GALNT18: variants seen among roughly 807,000 people sequenced by gnomAD.
The protein encoded by GALNT18 is GalNAc-transferase 18.
Under a neutral mutation model 69.5 loss-of-function variants are expected in GALNT18, and 44 were observed. That is an observed-to-expected ratio of 0.63 (90% CI 0.50 to 0.81). The LOEUF is 0.81. GALNT18 is among the 40% of genes least tolerant of loss of function. The probability of loss-of-function intolerance (pLI) is 0.00; values close to 1 mark genes in which losing one functional copy is unlikely to be tolerated. For missense variants in GALNT18, 715 were observed against 810.0 expected (o/e 0.88, Z 1.42); for synonymous variants, 364 against 318.2 (o/e 1.14, Z -1.53).
chr11:11,275,015 C>T (rs1333401934), intron 10 of GALNT18, among the ~76,000 whole-genome samples: 2 of 152,212 alleles, frequency 1.3e-5, no homozygotes, highest in African/African-American at 2.4e-5. Context: ...CATACATGTG[C>T]ATGGGTCTTT....
At chr11:11,609,780 A>G (rs1859851118) in intron 1 of GALNT18, among the ~76,000 whole-genome samples, 1 of 152,144 alleles carries the variant, frequency 6.6e-6, no homozygotes, top group Admixed American at 6.5e-5. Context: ...CTAGGGGCCC[A>G]CCATTTCATA....
rs1184195528 is a variant in GALNT18 at position 11,505,984 on chromosome 11, A to C, written c.236-57048T>G. Among the ~76,000 whole-genome samples, 1 of 152,190 alleles carries C rather than the reference A, an allele frequency of 6.6e-6. No homozygotes were observed. The highest frequency in any genetic ancestry group is 1.5e-5 in the Non-Finnish European group (1 of 68,040). ...GCATTTAAAGCTCAGCTCAGCTTTC[A>C]GGGACAAAATTATGTATTATTGAGG... On this transcript the variant is annotated intron_variant, in intron 1 of 10. Coordinates refer to ENST00000227756, the MANE Select transcript of GALNT18 (RefSeq NM_198516.3). This position sits in a 1 kb window ranked among gnomAD's most constrained non-coding sequence, Gnocchi z 4.6.
At chr11:11,290,692 A>G (rs1233351936) in intron 10 of GALNT18, among the ~76,000 whole-genome samples, 1 of 152,160 alleles carries the variant, frequency 6.6e-6, no homozygotes. Context: ...TTGTCTCCTG[A>G]GAAACCACCA....
At chr11:11,530,976 T>C (rs1455321352) in intron 1 of GALNT18, among the ~76,000 whole-genome samples, 1 of 152,152 alleles carries the variant, frequency 6.6e-6, no homozygotes, top group East Asian at 1.9e-4. Flanking sequence ...AAAAAGGCAC[T>C]CACTGAGGAC....
At chr11:11,352,552 CA>C (rs763016893) in intron 6 of GALNT18, 4 of 1,614,142 alleles carry the variant, frequency 2.5e-6, no homozygotes, top group Non-Finnish European at 3.4e-6. Context: ...GCAACTCGGA[CA>C]TTATATTCTT....
chr11:11,273,082 A>C (rs188989412), intron 10 of GALNT18, among the ~76,000 whole-genome samples: 1 of 152,274 alleles, frequency 6.6e-6, no homozygotes, highest in Non-Finnish European at 1.5e-5. Context: ...CAAAACTCCT[A>C]GAAGAAAACA....
rs970476372 is a variant in GALNT18 at position 11,582,130 on chromosome 11, CAT to C, written c.235+39227_235+39228del. Among the ~76,000 whole-genome samples, 2 of 151,868 alleles carry C rather than the reference CAT, an allele frequency of 1.3e-5. No homozygotes were observed. Among genetic ancestry groups the C allele is most frequent in the Non-Finnish European group, 2.9e-5 (2 of 68,000 alleles). On this transcript the variant is annotated intron_variant, in intron 1 of 10. Transcript: ENST00000227756. This position sits in a 1 kb window ranked among gnomAD's most constrained non-coding sequence, Gnocchi z 5.0. ...AGGGAAAGCCTCCCTGGAGAGGTGA[CAT>C]ATGGGGAAGAGGGCTGAACAAAGTG... is the stretch of plus-strand genomic sequence containing the variant.
At position 11,432,582 on chromosome 11, in the gene GALNT18, GGAA is replaced by G; in HGVS notation, c.595+36_595+38del. On this transcript the variant is annotated intron_variant, in intron 3 of 10. Coordinates refer to ENST00000227756, the MANE Select transcript of GALNT18 (RefSeq NM_198516.3). The surrounding 1 kb of genome is among the most constrained non-coding windows in gnomAD (Gnocchi z 5.8). The stretch of plus-strand genomic sequence containing the variant: ...GAACCATCAGCTTAGATGTCAGCCA[GGAA>G]GTAGGGCCTGGGCCCTGGGAAGCTC... The G allele has an allele frequency of 6.4e-7, 1 of 1,567,802 alleles. No individual in the cohort carries two copies. The highest frequency in any genetic ancestry group is 1.4e-5 in the African/African-American group (1 of 74,016).
chr11:11,520,928 C>A (rs775756864), intron 1 of GALNT18, among the ~76,000 whole-genome samples: 1 of 151,902 alleles, frequency 6.6e-6, no homozygotes, highest in Non-Finnish European at 1.5e-5. Flanking sequence ...TGGCAGGGAT[C>A]GGGAAGCACA....
chr11:11,548,874 A>G (rs1405337165), intron 1 of GALNT18, among the ~76,000 whole-genome samples: 1 of 152,114 alleles, frequency 6.6e-6, no homozygotes, highest in Non-Finnish European at 1.5e-5. Context: ...CCTGGTGAAC[A>G]ATAGATGCTT....
chr11:11,608,269 G>C (rs950668630), intron 1 of GALNT18, among the ~76,000 whole-genome samples: 2 of 152,218 alleles, frequency 1.3e-5, no homozygotes, highest in Non-Finnish European at 2.9e-5. Flanking sequence ...ATGAAGGAAA[G>C]AGGGAATGAA....
At chr11:11,349,521 A>G (rs983479940) in intron 6 of GALNT18, among the ~76,000 whole-genome samples, 2 of 152,098 alleles carry the variant, frequency 1.3e-5, no homozygotes, top group African/African-American at 2.4e-5. Flanking sequence ...CGCAGTTTTA[A>G]TTTGCAACCT....
chr11:11,420,852 T>C (rs1273464958), intron 3 of GALNT18, among the ~76,000 whole-genome samples: 1 of 151,884 alleles, frequency 6.6e-6, no homozygotes, highest in Non-Finnish European at 1.5e-5. Context: ...CTCCCAACAC[T>C]CAGCTCCAGT....
chr11:11,576,947 G>A (rs937903103), intron 1 of GALNT18, among the ~76,000 whole-genome samples: 1 of 152,124 alleles, frequency 6.6e-6, no homozygotes, highest in Non-Finnish European at 1.5e-5. Flanking sequence ...AGGCCTTCAC[G>A]ACTGTTCAGG....
chr11:11,462,903 G>A (rs1856077035), intron 1 of GALNT18, among the ~76,000 whole-genome samples: 2 of 152,154 alleles, frequency 1.3e-5, no homozygotes, highest in Non-Finnish European at 2.9e-5. Context: ...TCTGCTCAAA[G>A]AACAAGTATT....
In GALNT18 at chr11:11,382,591, A is replaced by T. The variant is rs1414241249; in HGVS notation, c.596-3327T>A. ...CAAACACAAGTACCCAGCCCATCAT[A>T]TTTGCCTTCTTGCTAAGGCTGCCAG... On this transcript the variant is annotated intron_variant, in intron 3 of 10. Coordinates refer to ENST00000227756, the MANE Select transcript of GALNT18 (RefSeq NM_198516.3). This position sits in a 1 kb window ranked among gnomAD's most constrained non-coding sequence, Gnocchi z 4.3. Among the ~76,000 whole-genome samples, 1 of 152,136 alleles carries T rather than the reference A, an allele frequency of 6.6e-6. No individual in the cohort carries two copies. The highest frequency in any genetic ancestry group is 1.9e-4 in the East Asian group (1 of 5,192).
At chr11:11,289,107 G>T (rs1272503564) in intron 10 of GALNT18, among the ~76,000 whole-genome samples, 1 of 152,160 alleles carries the variant, frequency 6.6e-6, no homozygotes, top group Non-Finnish European at 1.5e-5. Context: ...CCAAGCACAA[G>T]ACTTTAATCA....
intron 1 of GALNT18, among the ~76,000 whole-genome samples, chr11:11,569,243 A>C (rs1429937033): frequency 8.7e-6 from 1 of 114,768 alleles, no homozygotes; most frequent in Non-Finnish European, 1.9e-5. Context: ...TGGAAGGCTG[A>C]AGGGAAAAAA....
intron 3 of GALNT18, among the ~76,000 whole-genome samples, chr11:11,385,495 C>T (rs1333300494): frequency 6.6e-6 from 1 of 152,062 alleles, no homozygotes; most frequent in Non-Finnish European, 1.5e-5. Flanking sequence ...TGGGGTTTCA[C>T]CATGTTAGCC....
Sources: gnomAD v4.1 joint callset for allele counts (sites outside exome capture counted in the v4.1 genomes callset) on GRCh38, gnomAD v4.1.1 for gene constraint, Gnocchi (gnomAD v3.1) non-coding constraint, MANE v1.5 for transcripts, NCBI Gene and HGNC (gene_info 2026-07-23, HGNC 2026-07-21) for gene names.